RIMS1: variants seen among roughly 807,000 people sequenced by gnomAD.
The protein encoded by RIMS1 is regulating synaptic membrane exocytosis 1, also known as regulating synaptic membrane exocytosis protein 1.
Under a neutral mutation model 214.1 loss-of-function variants are expected in RIMS1, and 83 were observed. The ratio of observed to expected loss-of-function variants is 0.39; its 90% CI spans 0.32 to 0.47. The LOEUF is 0.47. RIMS1 is among the 20% of genes least tolerant of loss of function. The pLI, the probability that RIMS1 is intolerant of heterozygous loss-of-function variation, is 0.99. For synonymous variants in RIMS1, 793 were observed against 786.8 expected, an observed-to-expected ratio of 1.01 and a Z score of -0.13; for missense variants, 2,050 against 2,161.8, an observed-to-expected ratio of 0.95 and a Z score of 1.03.
rs1390364743 is a variant in RIMS1, at chr6:72,260,730, A to G, written c.3079A>G (p.Lys1027Glu). 1 of 1,612,462 alleles carries G rather than the reference A, an allele frequency of 6.2e-7. No individual in the cohort carries two copies. Among genetic ancestry groups the G allele is most frequent in the Admixed American group, 1.7e-5 (1 of 59,832 alleles). Residue 1027 changes from lysine to glutamate, a missense_variant, in exon 19 of 34, where the codon AAA becomes GAA. Lys to Glu is a moderately conservative substitution (Grantham distance 56). This residue lies in a region of RIMS1 where 889 missense variants were observed against 885.5 expected (regional missense o/e 1.00). Coordinates refer to ENST00000521978, the MANE Select transcript of RIMS1 (RefSeq NM_014989.7). ...DSELLMLPRA[K>E]RGRSAECLHT... ...TGAGCTTCTTATGCTGCCCAGAGCA[A>G]AACGAGGACGAAGTGCAGAATGCCT...
chr6:72,205,058 A>G (rs1425011811), intron 6 of RIMS1, among the ~76,000 whole-genome samples: 1 of 152,128 alleles, frequency 6.6e-6, no homozygotes, highest in Non-Finnish European at 1.5e-5. Context: ...ACTTCTCCTA[A>G]TTACAGAGAA....
chr6:71,958,256 A>G (rs929931745), intron 1 of RIMS1, among the ~76,000 whole-genome samples: 1 of 152,162 alleles, frequency 6.6e-6, no homozygotes, highest in African/African-American at 2.4e-5. Context: ...TCCAATCACT[A>G]TGTAAAGATT....
At chr6:71,984,312 G>A (rs1173829949) in intron 2 of RIMS1, among the ~76,000 whole-genome samples, 1 of 151,782 alleles carries the variant, frequency 6.6e-6, no homozygotes, top group Non-Finnish European at 1.5e-5. Context: ...ATGCCTAGAG[G>A]GACTCAAAGC....
chr6:72,310,694 C>T (rs1007792021), intron 27 of RIMS1, among the ~76,000 whole-genome samples: 11 of 152,048 alleles, frequency 7.2e-5, no homozygotes, highest in African/African-American at 2.4e-4. Flanking sequence ...TTATGTTCCT[C>T]AAAATATATT....
Position 71,954,876 on chromosome 6 carries a change from CACACA to C in RIMS1, c.165-14106_165-14102del. ...CACACACACACACACACACTCCACACACACACACACACACACACCTAGAGGTGACT... is the reference window on the plus strand; with the variant it reads ...CACACACACACACACACACTCCACACCACACACACACACCTAGAGGTGACT... On this transcript the variant is annotated intron_variant, in intron 1 of 33. Transcript: ENST00000521978. Among the ~76,000 whole-genome samples, 7 of 151,196 alleles carry C rather than the reference CACACA, an allele frequency of 4.6e-5. No homozygotes were observed. In the East Asian group the frequency reaches 1.4e-3, roughly 29 times the overall value.
intron 2 of RIMS1, among the ~76,000 whole-genome samples, chr6:72,025,740 C>T (rs1475194273): frequency 6.6e-6 from 1 of 152,168 alleles, no homozygotes; most frequent in African/African-American, 2.4e-5. Context: ...CTCATGGCTT[C>T]TATAGGTCAG....
At chr6:72,319,571 G>A (rs1435244176) in intron 28 of RIMS1, among the ~76,000 whole-genome samples, 6 of 152,080 alleles carry the variant, frequency 3.9e-5, no homozygotes, top group African/African-American at 1.4e-4. Context: ...ACTCAGATGT[G>A]AATCTTTGGT....
At chr6:72,167,515 C>G (rs1391600589) in intron 4 of RIMS1, among the ~76,000 whole-genome samples, 1 of 152,098 alleles carries the variant, frequency 6.6e-6, no homozygotes, top group East Asian at 1.9e-4. Context: ...AGATTGATAT[C>G]ATTCGCTCTT....
chr6:71,912,570 G>A lies in RIMS1; in HGVS notation c.164+25383G>A, dbSNP rs545501227. Among the ~76,000 whole-genome samples the A allele has an allele frequency of 1.1e-4, 16 of 152,120 alleles. No individual in the cohort carries two copies. In the South Asian group the frequency reaches 3.3e-3, roughly 32 times the overall value. On this transcript the variant is annotated intron_variant, in intron 1 of 33. Transcript: ENST00000521978. ...TAAAATGTCATTGCGTTATTCTTAA[G>A]GATAGTTCCATAAGCTTCTCAGAGC...
intron 18 of RIMS1, 147 bp downstream of exon 18, chr6:72,259,258 A>G: frequency 3.7e-6 from 2 of 537,252 alleles, no homozygotes; most frequent in Non-Finnish European, 6.3e-6. Context: ...AACATATTGT[A>G]ATAGAAATGT....
At chr6:72,247,373 T>G (rs1380482782) in intron 11 of RIMS1, among the ~76,000 whole-genome samples, 1 of 151,912 alleles carries the variant, frequency 6.6e-6, no homozygotes, top group Non-Finnish European at 1.5e-5. Context: ...CCGTCTCTAC[T>G]AAAAATACAA....
At chr6:72,166,072 A>G (rs895557621) in intron 4 of RIMS1, among the ~76,000 whole-genome samples, 2 of 152,208 alleles carry the variant, frequency 1.3e-5, no homozygotes, top group African/African-American at 4.8e-5. Context: ...GAGAAGTCCA[A>G]TAACAAGGTG....
At chr6:72,394,985 AAGTT>A (rs1264706562) in intron 31 of RIMS1, among the ~76,000 whole-genome samples, 2 of 152,050 alleles carry the variant, frequency 1.3e-5, no homozygotes, top group African/African-American at 2.4e-5. Context: ...TTAAGAAAGA[AAGTT>A]AGAGAATGGG....
chr6:72,124,095 T>C (rs1252912461), intron 4 of RIMS1, among the ~76,000 whole-genome samples: 1 of 151,972 alleles, frequency 6.6e-6, no homozygotes, highest in African/African-American at 2.4e-5. Context: ...TGGCATGTTT[T>C]TGCAGTGGCT....
At chr6:72,234,819 A>C (rs2063400075) in intron 7 of RIMS1, among the ~76,000 whole-genome samples, 1 of 151,998 alleles carries the variant, frequency 6.6e-6, no homozygotes, top group African/African-American at 2.4e-5. Context: ...AGAATCATAC[A>C]GTTTATAGCT....
intron 4 of RIMS1, among the ~76,000 whole-genome samples, chr6:72,165,983 G>A (rs999243509): frequency 1.2e-4 from 19 of 152,172 alleles, no homozygotes; most frequent in African/African-American, 4.3e-4. Flanking sequence ...GTATTAATAT[G>A]TTTGGGTTTC....
intron 29 of RIMS1, among the ~76,000 whole-genome samples, chr6:72,387,747 GT>G (rs2154433450): frequency 6.6e-6 from 1 of 152,276 alleles, no homozygotes; most frequent in African/African-American, 2.4e-5. Flanking sequence ...TCACTACAAT[GT>G]TTCTAAAGGG....
intron 22 of RIMS1, among the ~76,000 whole-genome samples, chr6:72,267,915 A>T (rs1488535630): frequency 2.0e-5 from 3 of 152,112 alleles, no homozygotes; most frequent in Non-Finnish European, 2.9e-5. Context: ...ACATATATTC[A>T]CTCTACATAT....
intron 1 of RIMS1, among the ~76,000 whole-genome samples, chr6:71,946,302 A>G (rs35224244): frequency 0.22 from 33,602 of 152,106 alleles, 3,796 homozygotes; most frequent in South Asian, 0.31. Context: ...ATATGAAACC[A>G]CAAAAGACCC....
Sources: gnomAD v4.1 joint callset for allele counts (sites outside exome capture counted in the v4.1 genomes callset) on GRCh38, gnomAD v4.1.1 for gene constraint, gnomAD v4.1.1 regional missense constraint, MANE v1.5 for transcripts, NCBI Gene and HGNC (gene_info 2026-07-23, HGNC 2026-07-21) for gene names.